INSC: variants seen among roughly 807,000 people sequenced by gnomAD.
INSC encodes INSC spindle orientation adaptor protein.
A neutral mutation model predicts 58.6 loss-of-function variants in INSC; 67 were observed. The observed-to-expected ratio is 1.14, with a 90% CI of 0.94 to 1.40. INSC has a LOEUF of 1.40. Among genes scored for constraint, INSC ranks in the 40% most tolerant of loss-of-function variants. The probability of loss-of-function intolerance (pLI) is 0.00; values close to 1 mark genes in which losing one functional copy is unlikely to be tolerated. For missense variants in INSC, 714 were observed against 692.0 expected, an observed-to-expected ratio of 1.03 and a Z score of -0.36; for synonymous variants, 262 against 276.1, an observed-to-expected ratio of 0.95 and a Z score of 0.51.
At chr11:15,217,209 G>A (rs1047460666) in intron 7 of INSC, among the ~76,000 whole-genome samples, 1 of 152,140 alleles carries the variant, frequency 6.6e-6, no homozygotes, top group South Asian at 2.1e-4. Context: ...TTGTTCACAT[G>A]GCAGCAGCAA....
chr11:15,193,830 T>C (rs979481577), intron 6 of INSC, among the ~76,000 whole-genome samples: 2 of 152,192 alleles, frequency 1.3e-5, no homozygotes, highest in African/African-American at 2.4e-5. Context: ...CTGGGTCAAA[T>C]GGTATTTCTA....
At position 15,147,171 on chromosome 11, in the gene INSC, A is replaced by G. The variant is rs527748810; in HGVS notation, c.-45-1959A>G. Among the ~76,000 whole-genome samples, 105 of 152,296 alleles carry G rather than the reference A, an allele frequency of 6.9e-4. 1 individual carries two copies. Among genetic ancestry groups the G allele is most frequent in the African/African-American group, 2.3e-3 (94 of 41,556 alleles). On this transcript the variant is annotated intron_variant, in intron 1 of 12. Coordinates refer to ENST00000379556, the MANE Select transcript of INSC (RefSeq NM_001042536.3). The stretch of plus-strand genomic sequence containing the variant: ...GTTTTCCTTTTTTGTACTTTAGTCA[A>G]ACATATCAAAAGGGAGCAAACGCCT...
At chr11:15,169,553 G>GT (rs1206632106) in intron 2 of INSC, among the ~76,000 whole-genome samples, 8 of 148,148 alleles carry the variant, frequency 5.4e-5, no homozygotes, top group Non-Finnish European at 1.0e-4. Context: ...TTGTTTGTTT[G>GT]TTTTTTTAGA....
At chr11:15,253,667 C>A in the INSC span, among the ~76,000 whole-genome samples, 3 of 150,478 alleles carry the variant, frequency 2.0e-5, no homozygotes, top group African/African-American at 4.9e-5. Flanking sequence ...AAAGGTGGAA[C>A]CTTTGAAAGG....
At chr11:15,116,710 C>T (rs1847704058) in intron 1 of INSC, among the ~76,000 whole-genome samples, 1 of 151,476 alleles carries the variant, frequency 6.6e-6, no homozygotes, top group Admixed American at 6.6e-5. Context: ...TCCTTCCTTC[C>T]CTTCCTTTCT....
chr11:15,259,909 A>G, the INSC span, among the ~76,000 whole-genome samples: 9 of 152,318 alleles, frequency 5.9e-5, no homozygotes, highest in East Asian at 1.7e-3. Context: ...GTCCCTAAAC[A>G]ATTGAAAGTA....
At chr11:15,264,884 G>A in the INSC span, among the ~76,000 whole-genome samples, 1 of 152,010 alleles carries the variant, frequency 6.6e-6, no homozygotes, top group Non-Finnish European at 1.5e-5. Context: ...TTATTCTGCT[G>A]ACCACAAACT....
At chr11:15,156,210 C>T (rs1226948519) in intron 2 of INSC, among the ~76,000 whole-genome samples, 1 of 152,156 alleles carries the variant, frequency 6.6e-6, no homozygotes, top group Non-Finnish European at 1.5e-5. Context: ...AAAACATGCA[C>T]CCCAATTTTC....
chr11:15,165,523 A>G (rs758768506), intron 2 of INSC, among the ~76,000 whole-genome samples: 2 of 152,224 alleles, frequency 1.3e-5, no homozygotes, highest in Non-Finnish European at 2.9e-5. Context: ...CCAGTGGCAG[A>G]GCTGGAATTT....
chr11:15,141,392 G>A (rs773511876), intron 1 of INSC, among the ~76,000 whole-genome samples: 5 of 152,302 alleles, frequency 3.3e-5, no homozygotes, highest in East Asian at 1.9e-4. Flanking sequence ...GGTGGGGCCC[G>A]CTCTACCTGA....
chr11:15,260,232 C>A, the INSC span, among the ~76,000 whole-genome samples: 1 of 152,042 alleles, frequency 6.6e-6, no homozygotes, highest in Non-Finnish European at 1.5e-5. Context: ...CCTGCTTTCC[C>A]TGGACACAGG....
chr11:15,115,379 A>T (rs1847667639), intron 1 of INSC, among the ~76,000 whole-genome samples: 1 of 152,120 alleles, frequency 6.6e-6, no homozygotes, highest in African/African-American at 2.4e-5. Context: ...CCACATGTGG[A>T]TGAGTGGATG....
chr11:15,183,953 AG>A lies in INSC; in HGVS notation c.579+5507del, dbSNP rs1849874191. On this transcript the variant is annotated intron_variant, in intron 5 of 12. Coordinates refer to ENST00000379556, the MANE Select transcript of INSC (RefSeq NM_001042536.3). ...ACAAAAGAAAAAATTAATTGCTAGCAGTTATGCTAATTAGATTTAAGCAGTA... is the reference window on the plus strand; with the variant it reads ...ACAAAAGAAAAAATTAATTGCTAGCATTATGCTAATTAGATTTAAGCAGTA... 5.9e-5 allele frequency among the ~76,000 whole-genome samples: 9 copies of A among 152,330 alleles called. No homozygotes were observed. The Middle Eastern group carries it at 0.01, about 178-fold the overall frequency.
intron 9 of INSC, among the ~76,000 whole-genome samples, chr11:15,226,882 T>C (rs1202961166): frequency 6.6e-6 from 1 of 152,196 alleles, no homozygotes; most frequent in African/African-American, 2.4e-5. Flanking sequence ...TTCCCTAGGA[T>C]TTTTTAAGGC....
intron 2 of INSC, among the ~76,000 whole-genome samples, chr11:15,151,026 C>G (rs1848632846): frequency 6.6e-6 from 1 of 152,140 alleles, no homozygotes; most frequent in Non-Finnish European, 1.5e-5. Context: ...GAGAAGGTCT[C>G]TCTAGAGCCT....
chr11:15,267,020 T>C, the INSC span, among the ~76,000 whole-genome samples: 2 of 152,060 alleles, frequency 1.3e-5, no homozygotes, highest in East Asian at 1.9e-4. Flanking sequence ...TTTCTTCTGA[T>C]TGAAGACCTT....
chr11:15,191,400 C>T (rs527265178), intron 6 of INSC, among the ~76,000 whole-genome samples: 16 of 152,180 alleles, frequency 1.1e-4, no homozygotes, highest in African/African-American at 3.1e-4. Context: ...AAATATCAAC[C>T]GTCTTTCTCC....
chr11:15,240,431 C>T lies in INSC; in HGVS notation c.1394-16C>T. 1 of 1,611,926 alleles carries T rather than the reference C, an allele frequency of 6.2e-7. No homozygotes were observed. ...GCCCTGTCCTGGGCCTGAGGCTCTC[C>T]CTGTGTCTCCTACAGGCATGTCCCG... is the stretch of plus-strand genomic sequence containing the variant. On this transcript the variant is annotated splice_polypyrimidine_tract_variant and intron_variant, in intron 11 of 12. Transcript: ENST00000379556.
At chr11:15,263,330 T>C in the INSC span, among the ~76,000 whole-genome samples, 1 of 152,136 alleles carries the variant, frequency 6.6e-6, no homozygotes, top group Non-Finnish European at 1.5e-5. Flanking sequence ...CCAACTTTGG[T>C]GAATGACATC....
Sources: gnomAD v4.1 joint callset for allele counts (sites outside exome capture counted in the v4.1 genomes callset) on GRCh38, gnomAD v4.1.1 for gene constraint, MANE v1.5 for transcripts, NCBI Gene and HGNC (gene_info 2026-07-23, HGNC 2026-07-21) for gene names.